Variants in RECQL5 observed in about 807,000 individuals in gnomAD.
RECQL5 encodes RecQ like helicase 5.
In RECQL5, 88 loss-of-function variants were observed where a neutral mutation model predicts 103.4. That is an observed-to-expected ratio of 0.85 (90% confidence interval 0.72 to 1.02). The LOEUF (loss-of-function observed/expected upper bound fraction) is 1.02. Among genes scored for constraint, RECQL5 ranks in the 50% least tolerant of loss-of-function variants. The pLI is 0.00. For missense variants in RECQL5, 1,232 were observed against 1,284.3 expected (o/e 0.96, Z 0.62); for synonymous variants, 552 against 507.9 (o/e 1.09, Z -1.17).
intron 8 of RECQL5, among the ~76,000 whole-genome samples, chr17:75,633,158 GTCCGTGCGCCCGC>G (rs2059251541): frequency 6.6e-6 from 1 of 152,242 alleles, no homozygotes; most frequent in Non-Finnish European, 1.5e-5. Flanking sequence ...ATCCCCAGGA[GTCCGTGCGCCCGC>G]ACAGCGGCCG....
intron 7 of RECQL5, 34 bp downstream of exon 7, chr17:75,658,264 C>A: frequency 6.3e-7 from 1 of 1,599,306 alleles, no homozygotes. Flanking sequence ...AGTGGTGGGT[C>A]AGACTGAAAG....
intron 8 of RECQL5, among the ~76,000 whole-genome samples, chr17:75,632,836 G>T (rs2059243680): frequency 6.6e-6 from 1 of 152,244 alleles, no homozygotes. Context: ...CTGGAACACA[G>T]GCAGGGCTGT....
chr17:75,650,348 C>G (rs1399846392), intron 8 of RECQL5: 3 of 1,099,746 alleles, frequency 2.7e-6, no homozygotes, highest in Non-Finnish European at 3.3e-6. Context: ...AATAAAAACA[C>G]ACAGCCCAAA....
At chr17:75,661,123 G>T in intron 5 of RECQL5, 57 bp from the exon 6 acceptor site, 3 of 1,405,202 alleles carry the variant, frequency 2.1e-6, no homozygotes, top group Non-Finnish European at 3.0e-6. Context: ...GTTTACCGGG[G>T]GCCTATTTTG....
chr17:75,650,770 A>T, intron 8 of RECQL5: 1 of 1,584,572 alleles, frequency 6.3e-7, no homozygotes, highest in South Asian at 1.1e-5. Flanking sequence ...TGACTCCCCG[A>T]GGTAAGTGGG....
Position 75,666,522 on chromosome 17 carries a change from A to T in RECQL5, c.36T>A (p.Pro12=). ...SSHHTTFPFD[P]ERRVRSTLKK... Reference sequence around the variant, plus strand: ...TCAGCGTACTCCGGACTCGCCGCTCAGGGTCAAAAGGAAAGGTGGTATGGT... The same window carrying T: ...TCAGCGTACTCCGGACTCGCCGCTCTGGGTCAAAAGGAAAGGTGGTATGGT... The change falls in exon 2 of 20, where the codon CCT becomes CCA. Residue 12 remains proline, a synonymous_variant. Coordinates refer to ENST00000317905, the MANE Select transcript of RECQL5 (RefSeq NM_004259.7). 3 of 1,614,176 alleles carry T rather than the reference A, an allele frequency of 1.9e-6. No individual in the cohort carries two copies. The highest frequency in any genetic ancestry group is 2.5e-6 in the Non-Finnish European group (3 of 1,180,022).
At chr17:75,666,709 G>A in intron 1 of RECQL5, 138 bp from the exon 2 acceptor site, 1 of 793,368 alleles carries the variant, frequency 1.3e-6, no homozygotes, top group South Asian at 1.9e-5. Flanking sequence ...TAATAAAGCT[G>A]AAGGTGAACT....
chr17:75,631,720 C>T (rs773663227), intron 8 of RECQL5, 52 bp from the exon 9 acceptor site: 9 of 1,579,516 alleles, frequency 5.7e-6, no homozygotes, highest in Non-Finnish European at 6.9e-6. Flanking sequence ...AGTCGGCCAG[C>T]GTCTGTTCAC....
chr17:75,660,976 C>T lies in RECQL5; in HGVS notation c.965G>A (p.Gly322Glu). The stretch of plus-strand genomic sequence containing the variant: ...TCACCTGACATTGGCTTTATCCACT[C>T]CCATCCCAAAACTAATGGTTGCAAC... ...VIVATISFGM[G>E]VDKANVRFVA... is the part of the protein sequence containing the mutation. The change falls in exon 6 of 20, where the codon GGA becomes GAA. Residue 322 changes from glycine (G) to glutamate (E), a missense_variant. Gly to Glu is a moderately conservative substitution (Grantham distance 98). Coordinates refer to ENST00000317905, the MANE Select transcript of RECQL5 (RefSeq NM_004259.7). 6.2e-7 allele frequency: 1 copy of T among 1,613,978 alleles called. No homozygotes were observed. Among genetic ancestry groups the T allele is most frequent in the Non-Finnish European group, 8.5e-7 (1 of 1,179,804 alleles).
intron 8 of RECQL5, among the ~76,000 whole-genome samples, chr17:75,644,232 G>A (rs1362095634): frequency 1.3e-5 from 2 of 152,138 alleles, no homozygotes; most frequent in Non-Finnish European, 2.9e-5. Flanking sequence ...TTGAACCCAG[G>A]AGGCAGAGGT....
chr17:75,644,976 C>T (rs1450266279), intron 8 of RECQL5, among the ~76,000 whole-genome samples: 1 of 152,192 alleles, frequency 6.6e-6, no homozygotes, highest in Admixed American at 6.5e-5. Context: ...ACACCTTTTC[C>T]TTGGCCGGCC....
At chr17:75,655,766 A>G (rs913453104) in intron 7 of RECQL5, among the ~76,000 whole-genome samples, 4 of 149,356 alleles carry the variant, frequency 2.7e-5, no homozygotes, top group Non-Finnish European at 5.9e-5. Flanking sequence ...CGCAACCTCA[A>G]CCTCCTAGGT....
intron 17 of RECQL5, 106 bp downstream of exon 17, chr17:75,628,566 G>A: frequency 1.3e-6 from 2 of 1,504,564 alleles, no homozygotes; most frequent in South Asian, 1.2e-5. Flanking sequence ...GCTGCCAGGT[G>A]TGGAAAGAAA....
At chr17:75,628,143 C>G (rs2059136533) in intron 18 of RECQL5, 75 bp downstream of exon 18, 2 of 1,307,932 alleles carry the variant, frequency 1.5e-6, no homozygotes, top group East Asian at 4.7e-5. Flanking sequence ...GGGGCTCAAA[C>G]TCCCTGCCTC....
At chr17:75,643,830 G>C (rs979387371) in intron 8 of RECQL5, among the ~76,000 whole-genome samples, 2 of 152,228 alleles carry the variant, frequency 1.3e-5, no homozygotes, top group African/African-American at 4.8e-5. Flanking sequence ...ATGCTTACCT[G>C]TGGTCACTGC....
Position 75,633,793 on chromosome 17 carries a change from G to T in RECQL5, c.1230-2125C>A, listed in dbSNP as rs565608093. The T allele has an allele frequency of 7.9e-5, 80 of 1,009,484 alleles. No homozygotes were observed. The African/African-American group carries it at 1.3e-3, about 16-fold the overall frequency. The allele number at this position is 1,009,484 out of a possible 1,614,324, so 62.5% of individuals were successfully genotyped here. On this transcript the variant is annotated intron_variant, in intron 8 of 19. Coordinates refer to ENST00000317905, the MANE Select transcript of RECQL5 (RefSeq NM_004259.7). ...GTGGAGCCTCCCCAGGGTCCTCCTG[G>T]CCAGGAAGGCAGAGAGCCGACTTCT... is the stretch of plus-strand genomic sequence containing the variant.
intron 8 of RECQL5, among the ~76,000 whole-genome samples, chr17:75,632,355 G>A (rs1482778009): frequency 6.6e-6 from 1 of 152,196 alleles, no homozygotes; most frequent in East Asian, 1.9e-4. Flanking sequence ...AGGCTGTGCC[G>A]CTTGATATTT....
Position 75,633,916 on chromosome 17 carries a change from T to C in RECQL5, c.1230-2248A>G, listed in dbSNP as rs1041297622. ...GGAGAGAGGGAGCTTGTCTTGTCCCTGAGCAGCGCTCTCAGGGCAGAGGTG... is the reference window on the plus strand; with the variant it reads ...GGAGAGAGGGAGCTTGTCTTGTCCCCGAGCAGCGCTCTCAGGGCAGAGGTG... On this transcript the variant is annotated intron_variant, in intron 8 of 19. Transcript: ENST00000317905. 3.0e-6 allele frequency: 3 copies of C among 987,416 alleles called. No homozygotes were observed. In the African/African-American group the frequency reaches 5.2e-5, roughly 17 times the overall value. 61.2% of individuals were successfully genotyped at this position (987,416 alleles called of 1,614,324 possible).
Position 75,640,779 on chromosome 17 carries a change from C to A in RECQL5, c.1230-9111G>T, listed in dbSNP as rs1290328732. ...CCCAACCTGAGTCCCGTGCTCTCTC[C>A]CGGCCCTCCAGCTACTGTTCTGCTG... is the stretch of plus-strand genomic sequence containing the variant. On this transcript the variant is annotated intron_variant, in intron 8 of 19. Coordinates refer to ENST00000317905, the MANE Select transcript of RECQL5 (RefSeq NM_004259.7). The surrounding 1 kb of genome is among the most constrained non-coding windows in gnomAD (Gnocchi z 4.6). 6.5e-7 allele frequency: 1 copy of A among 1,549,366 alleles called. No individual in the cohort carries two copies. The highest frequency in any genetic ancestry group is 8.7e-7 in the Non-Finnish European group (1 of 1,146,242).
Sources: gnomAD v4.1 joint callset for allele counts (sites outside exome capture counted in the v4.1 genomes callset) on GRCh38, gnomAD v4.1.1 for gene constraint, Gnocchi (gnomAD v3.1) non-coding constraint, MANE v1.5 for transcripts, NCBI Gene and HGNC (gene_info 2026-07-23, HGNC 2026-07-21) for gene names.